PKIG: variants seen among roughly 807,000 people sequenced by gnomAD.
PKIG encodes the protein cAMP-dependent protein kinase inhibitor gamma.
In PKIG, 1 loss-of-function variant was observed where a neutral mutation model predicts 6.8. The observed-to-expected ratio is 0.15, with a 90% CI of 0.05 to 0.69. PKIG has a LOEUF of 0.69. Ranked by LOEUF, PKIG falls within the 30% of genes least tolerant of loss-of-function variation. The probability of loss-of-function intolerance (pLI) is 0.82; values close to 1 mark genes in which losing one functional copy is unlikely to be tolerated. For synonymous variants in PKIG, 39 were observed against 43.0 expected, an observed-to-expected ratio of 0.91 and a Z score of 0.36; for missense variants, 77 against 104.0, an observed-to-expected ratio of 0.74 and a Z score of 1.13.
At chr20:44,592,885 T>G (rs963185397) in intron 2 of PKIG, among the ~76,000 whole-genome samples, 1 of 152,164 alleles carries the variant, frequency 6.6e-6, no homozygotes, top group African/African-American at 2.4e-5. Context: ...CCCAAAGCGA[T>G]CTACAGAATT....
At chr20:44,605,580 T>A (rs2123445187) in intron 2 of PKIG, among the ~76,000 whole-genome samples, 1 of 151,990 alleles carries the variant, frequency 6.6e-6, no homozygotes, top group Non-Finnish European at 1.5e-5. Flanking sequence ...TACAGATAAA[T>A]TCTAGATCAA....
At chr20:44,587,206 T>C (rs1235494049) in intron 1 of PKIG, among the ~76,000 whole-genome samples, 1 of 152,214 alleles carries the variant, frequency 6.6e-6, no homozygotes, top group Admixed American at 6.5e-5. Flanking sequence ...TGAATAATTT[T>C]AATGGCACGT....
chr20:44,548,866 A>G (rs2064641008), intron 1 of PKIG, among the ~76,000 whole-genome samples: 2 of 136,218 alleles, frequency 1.5e-5, no homozygotes, highest in Admixed American at 1.5e-4. Context: ...ACACACACAC[A>G]CACACACACA....
intron 1 of PKIG, among the ~76,000 whole-genome samples, chr20:44,557,846 A>T (rs2064728272): frequency 1.3e-5 from 2 of 151,890 alleles, no homozygotes; most frequent in African/African-American, 4.8e-5. Flanking sequence ...ATAATAAAAA[A>T]AAAAGCTGTG....
chr20:44,589,272 G>C (rs915787373), intron 1 of PKIG, among the ~76,000 whole-genome samples: 5 of 152,170 alleles, frequency 3.3e-5, no homozygotes, highest in East Asian at 3.9e-4. Flanking sequence ...AGGAGTTTGA[G>C]GCTACATTGA....
At chr20:44,610,189 T>TGCC (rs1401048306) in intron 2 of PKIG, among the ~76,000 whole-genome samples, 3 of 152,174 alleles carry the variant, frequency 2.0e-5, no homozygotes. Context: ...CGGGGGGAAT[T>TGCC]GCCGTGGACA....
At chr20:44,569,849 C>T (rs2064840432) in intron 1 of PKIG, among the ~76,000 whole-genome samples, 1 of 152,178 alleles carries the variant, frequency 6.6e-6, no homozygotes, top group African/African-American at 2.4e-5. Flanking sequence ...TAAATGTAGG[C>T]TGGGCTCAGT....
At chr20:44,584,548 C>T (rs1354347630) in intron 1 of PKIG, among the ~76,000 whole-genome samples, 5 of 150,632 alleles carry the variant, frequency 3.3e-5, no homozygotes, top group Non-Finnish European at 7.4e-5. Context: ...TCCAAGGTGC[C>T]GGGTCTTGAC....
intron 2 of PKIG, among the ~76,000 whole-genome samples, chr20:44,606,706 G>C (rs2065166407): frequency 1.3e-5 from 2 of 152,240 alleles, no homozygotes; most frequent in Admixed American, 1.3e-4. Flanking sequence ...CTACTTGGGA[G>C]GCTGAGGCAG....
chr20:44,562,509 G>GGACTGAGGTGGGATGCT (rs1227113698), intron 1 of PKIG, among the ~76,000 whole-genome samples: 87 of 151,456 alleles, frequency 5.7e-4, no homozygotes, highest in African/African-American at 2.0e-3. Flanking sequence ...TGCTGAGGTG[G>GGACTGAGGTGGGATGCT]GAGGATGGCT....
At chr20:44,584,784 G>T (rs1346865641) in intron 1 of PKIG, among the ~76,000 whole-genome samples, 4 of 151,142 alleles carry the variant, frequency 2.6e-5, no homozygotes, top group African/African-American at 7.3e-5. Context: ...CAATGGTGCA[G>T]TCTTGGCTCA....
chr20:44,610,809 G>T (rs2065211680), intron 2 of PKIG, among the ~76,000 whole-genome samples: 1 of 151,688 alleles, frequency 6.6e-6, no homozygotes, highest in South Asian at 2.1e-4. Context: ...CTGTTTTTCA[G>T]TTGCCAGTTT....
At chr20:44,613,704 C>A (rs2065239335) in intron 2 of PKIG, among the ~76,000 whole-genome samples, 2 of 152,158 alleles carry the variant, frequency 1.3e-5, no homozygotes, top group Admixed American at 1.3e-4. Context: ...CCTCCTCCAC[C>A]CACCATCTTG....
At chr20:44,555,356 T>A (rs959263539) in intron 1 of PKIG, among the ~76,000 whole-genome samples, 1 of 152,240 alleles carries the variant, frequency 6.6e-6, no homozygotes, top group African/African-American at 2.4e-5. Context: ...TACAGGAAGT[T>A]CATTTCTGAC....
chr20:44,610,725 A>G (rs1279083799), intron 2 of PKIG, among the ~76,000 whole-genome samples: 2 of 152,180 alleles, frequency 1.3e-5, no homozygotes, highest in Admixed American at 6.5e-5. Context: ...ATGTTTTTTC[A>G]GATTTTTTTT....
intron 1 of PKIG, among the ~76,000 whole-genome samples, chr20:44,554,731 C>T (rs2064698518): frequency 6.6e-6 from 1 of 152,090 alleles, no homozygotes; most frequent in South Asian, 2.1e-4. Flanking sequence ...TTGTAAGATC[C>T]AAAGTGTCTA....
At chr20:44,568,981 G>A (rs2064832512) in intron 1 of PKIG, among the ~76,000 whole-genome samples, 1 of 152,174 alleles carries the variant, frequency 6.6e-6, no homozygotes. Flanking sequence ...ATTCTTAGAT[G>A]TAAGATGAGT....
At chr20:44,560,134 C>T (rs2064754118) in intron 1 of PKIG, among the ~76,000 whole-genome samples, 3 of 151,590 alleles carry the variant, frequency 2.0e-5, no homozygotes, top group South Asian at 2.1e-4. Context: ...CCTGTAGTTC[C>T]AGCTACTCAG....
At chr20:44,592,027 T>C (rs2065037926) in intron 2 of PKIG, among the ~76,000 whole-genome samples, 1 of 152,200 alleles carries the variant, frequency 6.6e-6, no homozygotes, top group Non-Finnish European at 1.5e-5. Context: ...AGGTGTGTGC[T>C]TGGCACCACC....
Sources: gnomAD v4.1 joint callset for allele counts (sites outside exome capture counted in the v4.1 genomes callset) on GRCh38, gnomAD v4.1.1 for gene constraint, MANE v1.5 for transcripts, NCBI Gene and HGNC (gene_info 2026-07-23, HGNC 2026-07-21) for gene names.